The following CNTN1 variants were observed in gnomAD, a reference collection of about 807,000 sequenced individuals.
The protein encoded by CNTN1 is contactin-1.
A neutral mutation model predicts 126.4 loss-of-function variants in CNTN1; 38 were observed. The ratio of observed to expected loss-of-function variants is 0.30; its 90% CI spans 0.23 to 0.39. The LOEUF (loss-of-function observed/expected upper bound fraction) is 0.39, where lower values mean the gene tolerates loss of function less well. Ranked by LOEUF, CNTN1 falls within the 10% of genes least tolerant of loss-of-function variation. CNTN1 has a pLI of 1.00. For synonymous variants in CNTN1, 413 were observed against 422.6 expected (o/e 0.98, Z 0.28); for missense variants, 1,009 against 1,248.4 (o/e 0.81, Z 2.89).
chr12:41,045,083 TAA>T, intron 23 of CNTN1, among the ~76,000 whole-genome samples: 1 of 152,122 alleles, frequency 6.6e-6, no homozygotes, highest in Admixed American at 6.6e-5. Context: ...ACTAATGACA[TAA>T]AAAGTTACAT....
chr12:40,937,519 G>A (rs1316890392), intron 10 of CNTN1, 51 bp from the exon 11 acceptor site: 2 of 1,190,058 alleles, frequency 1.7e-6, no homozygotes, highest in African/African-American at 1.5e-5. Flanking sequence ...CTAAGTGAAA[G>A]TATTTCTATT....
At chr12:40,933,440 T>C in intron 7 of CNTN1, 21 bp from the exon 8 acceptor site, 1 of 1,447,268 alleles carries the variant, frequency 6.9e-7, no homozygotes, top group Non-Finnish European at 9.7e-7. Flanking sequence ...TAGTGGATAT[T>C]TGTGTTTCTC....
chr12:40,949,068 A>G (rs896026164), intron 14 of CNTN1, among the ~76,000 whole-genome samples: 1 of 152,214 alleles, frequency 6.6e-6, no homozygotes, highest in Admixed American at 6.5e-5. Flanking sequence ...TTTATTAAAC[A>G]TATCAAAAAA....
At chr12:40,863,940 C>T (rs577527516) in intron 1 of CNTN1, among the ~76,000 whole-genome samples, 1 of 146,442 alleles carries the variant, frequency 6.8e-6, no homozygotes, top group East Asian at 2.1e-4. Context: ...CCCTCCCTCC[C>T]TCCCTCCCTC....
chr12:40,915,505 G>T (rs1945196283), intron 3 of CNTN1, among the ~76,000 whole-genome samples: 1 of 152,030 alleles, frequency 6.6e-6, no homozygotes, highest in Admixed American at 6.6e-5. Context: ...GTACCTCTTT[G>T]AGATGAGTTC....
intron 1 of CNTN1, among the ~76,000 whole-genome samples, chr12:40,750,329 G>C (rs1938357224): frequency 6.6e-6 from 1 of 151,714 alleles, no homozygotes; most frequent in African/African-American, 2.4e-5. Flanking sequence ...TAGATATAAA[G>C]GTATGGATGT....
chr12:40,842,000 T>TAAAA (rs748859287), intron 1 of CNTN1, among the ~76,000 whole-genome samples: 1 of 151,556 alleles, frequency 6.6e-6, no homozygotes, highest in Admixed American at 6.6e-5. Context: ...AAATTTTTTT[T>TAAAA]AAAAAAAGAA....
chr12:40,837,848 G>T (rs544451697), intron 1 of CNTN1, among the ~76,000 whole-genome samples: 33 of 152,260 alleles, frequency 2.2e-4, no homozygotes, highest in African/African-American at 7.5e-4. Context: ...CCAGCTGGGT[G>T]GACACTCCTG....
intron 1 of CNTN1, among the ~76,000 whole-genome samples, chr12:40,735,316 A>G (rs1937629107): frequency 6.6e-6 from 1 of 152,152 alleles, no homozygotes; most frequent in African/African-American, 2.4e-5. Context: ...ATGTAAGAAG[A>G]TTCCTCAAAA....
At chr12:40,753,257 A>C (rs553526226) in intron 1 of CNTN1, among the ~76,000 whole-genome samples, 1 of 151,992 alleles carries the variant, frequency 6.6e-6, no homozygotes, top group African/African-American at 2.4e-5. Context: ...TGCTTTCTTA[A>C]CTTTCTGAAT....
intron 1 of CNTN1, among the ~76,000 whole-genome samples, chr12:40,803,945 A>G (rs2046703259): frequency 6.6e-6 from 1 of 151,982 alleles, no homozygotes; most frequent in Admixed American, 6.6e-5. Context: ...CACGACAACA[A>G]GCTATGATTC....
intron 3 of CNTN1, among the ~76,000 whole-genome samples, chr12:40,911,104 G>A (rs1945008992): frequency 6.6e-6 from 1 of 152,046 alleles, no homozygotes; most frequent in African/African-American, 2.4e-5. Context: ...TTTTTGAGAT[G>A]GAGTCTCGCT....
At chr12:40,887,680 C>G (rs1944091318) in intron 1 of CNTN1, among the ~76,000 whole-genome samples, 2 of 151,914 alleles carry the variant, frequency 1.3e-5, no homozygotes, top group South Asian at 2.1e-4. Flanking sequence ...ACCCAAAGGA[C>G]TATAAATCAT....
intron 19 of CNTN1, among the ~76,000 whole-genome samples, chr12:41,019,476 GC>G (rs1291361570): frequency 2.6e-5 from 4 of 152,118 alleles, no homozygotes; most frequent in African/African-American, 7.2e-5. Context: ...CTACACATTT[GC>G]CTTGTTTTAG....
At chr12:40,767,797 T>C (rs1272185884) in intron 1 of CNTN1, among the ~76,000 whole-genome samples, 1 of 152,200 alleles carries the variant, frequency 6.6e-6, no homozygotes. Context: ...GATAATTTTC[T>C]TTCCACTTTT....
At chr12:40,709,244 G>A (rs576025938) in intron 1 of CNTN1, among the ~76,000 whole-genome samples, 4 of 152,324 alleles carry the variant, frequency 2.6e-5, no homozygotes, top group Admixed American at 2.0e-4. Flanking sequence ...GTGACCAGGT[G>A]CATTGTCAAT....
At chr12:40,795,150 G>A (rs1940365589) in intron 1 of CNTN1, among the ~76,000 whole-genome samples, 1 of 151,898 alleles carries the variant, frequency 6.6e-6, no homozygotes, top group South Asian at 2.1e-4. Flanking sequence ...AAGACTGTAG[G>A]ATCACCTACT....
At chr12:40,815,375 A>G (rs1196296867) in intron 1 of CNTN1, among the ~76,000 whole-genome samples, 1 of 152,064 alleles carries the variant, frequency 6.6e-6, no homozygotes, top group Non-Finnish European at 1.5e-5. Flanking sequence ...ATCCCTTGTT[A>G]GCTGTATTCC....
chr12:40,938,844 G>A (rs529600462), intron 11 of CNTN1, among the ~76,000 whole-genome samples: 3 of 152,238 alleles, frequency 2.0e-5, no homozygotes, highest in Non-Finnish European at 2.9e-5. Context: ...AGGCGATCAC[G>A]CTTCACTGCA....
Sources: gnomAD v4.1 joint callset for allele counts (sites outside exome capture counted in the v4.1 genomes callset) on GRCh38, gnomAD v4.1.1 for gene constraint, MANE v1.5 for transcripts, NCBI Gene and HGNC (gene_info 2026-07-23, HGNC 2026-07-21) for gene names.